CERS6: variants seen among roughly 807,000 people sequenced by gnomAD.
The protein encoded by CERS6 is LAG1 homolog, ceramide synthase 6.
In CERS6, 26 loss-of-function variants were observed where a neutral mutation model predicts 56.8. The observed-to-expected ratio is 0.46, with a 90% CI of 0.34 to 0.63. The LOEUF (loss-of-function observed/expected upper bound fraction) is 0.63, where lower values mean the gene tolerates loss of function less well. Ranked by LOEUF, CERS6 falls within the 30% of genes least tolerant of loss-of-function variation. The probability of loss-of-function intolerance (pLI) is 0.01; values close to 1 mark genes in which losing one functional copy is unlikely to be tolerated. For synonymous variants in CERS6, 164 were observed against 173.3 expected (o/e 0.95, Z 0.42); for missense variants, 415 against 467.5 (o/e 0.89, Z 1.04).
At chr2:168,464,626 A>G (rs1693837955) in intron 1 of CERS6, among the ~76,000 whole-genome samples, 1 of 149,984 alleles carries the variant, frequency 6.7e-6, no homozygotes, top group Non-Finnish European at 1.5e-5. Flanking sequence ...GCAGAGAGAA[A>G]GGGCTGGGAG....
intron 3 of CERS6, among the ~76,000 whole-genome samples, chr2:168,604,680 T>C (rs1469023848): frequency 6.6e-6 from 1 of 151,872 alleles, no homozygotes; most frequent in East Asian, 1.9e-4. Context: ...GAGTATGGAG[T>C]ATGTGGCACC....
At chr2:168,631,550 T>TTAATATTTATATATTAAATATAATATATA (rs1684722845) in intron 4 of CERS6, among the ~76,000 whole-genome samples, 4,600 of 47,964 alleles carry the variant, frequency 0.096, 1,498 homozygotes, top group Admixed American at 0.2. Flanking sequence ...TATATTATAT[T>TTAATATTTATATATTAAATATAATATATA]TTTAATATTT....
At chr2:168,572,829 T>C (rs1696015577) in intron 3 of CERS6, among the ~76,000 whole-genome samples, 2 of 152,278 alleles carry the variant, frequency 1.3e-5, no homozygotes, top group Non-Finnish European at 2.9e-5. Context: ...CTGTGTCTTA[T>C]TTATCTTTTC....
At chr2:168,467,036 TC>T (rs1215245389) in intron 1 of CERS6, among the ~76,000 whole-genome samples, 3 of 152,220 alleles carry the variant, frequency 2.0e-5, no homozygotes, top group Non-Finnish European at 4.4e-5. Flanking sequence ...TTTCCTTTCC[TC>T]GATTCCTCCC....
intron 3 of CERS6, among the ~76,000 whole-genome samples, chr2:168,584,733 C>T (rs1683500382): frequency 1.3e-5 from 2 of 152,180 alleles, no homozygotes; most frequent in African/African-American, 4.8e-5. Flanking sequence ...TCATTGGCAA[C>T]TTGATATGGA....
intron 4 of CERS6, 48 bp downstream of exon 4, chr2:168,631,090 C>A: frequency 2.5e-6 from 2 of 806,176 alleles, no homozygotes; most frequent in Non-Finnish European, 3.6e-6. Context: ...AAGTGTATGT[C>A]TATATCCTGG....
At chr2:168,765,471 C>T (rs1435371564) in intron 8 of CERS6, 121 bp from the exon 9 acceptor site, 3 of 953,118 alleles carry the variant, frequency 3.1e-6, no homozygotes, top group East Asian at 2.7e-5. Context: ...TTCACACCAT[C>T]CTGCCAGAGA....
In CERS6 at chr2:168,734,015, A is replaced by G. The variant is rs186795509; in HGVS notation, c.845+16037A>G. 3.2e-4 allele frequency among the ~76,000 whole-genome samples: 48 copies of G among 152,318 alleles called. No homozygotes were observed. In the East Asian group the frequency reaches 7.5e-3, roughly 24 times the overall value. On this transcript the variant is annotated intron_variant, in intron 8 of 9. Coordinates refer to ENST00000305747, the MANE Select transcript of CERS6 (RefSeq NM_203463.3). Reference sequence around the variant, plus strand: ...TGAAATTGTACATGTTCTCTTCTTCATCCATAAAATGGGAGAATTGGAATA... The same window carrying G: ...TGAAATTGTACATGTTCTCTTCTTCGTCCATAAAATGGGAGAATTGGAATA...
At chr2:168,463,896 A>G (rs1693821444) in intron 1 of CERS6, among the ~76,000 whole-genome samples, 1 of 152,150 alleles carries the variant, frequency 6.6e-6, no homozygotes, top group Non-Finnish European at 1.5e-5. Context: ...GCGCCAGACC[A>G]AGATCCTGTC....
chr2:168,496,634 A>G (rs1420113995), intron 1 of CERS6, among the ~76,000 whole-genome samples: 3 of 152,174 alleles, frequency 2.0e-5, no homozygotes, highest in African/African-American at 7.2e-5. Flanking sequence ...TGGGAGTCCC[A>G]TGAAATTAAT....
chr2:168,734,644 T>C (rs1683659132), intron 8 of CERS6, among the ~76,000 whole-genome samples: 1 of 152,238 alleles, frequency 6.6e-6, no homozygotes. Context: ...ATTGGGAACA[T>C]ACATGGCTTT....
chr2:168,567,738 CAG>C (rs1310929532), intron 3 of CERS6, among the ~76,000 whole-genome samples: 2 of 152,184 alleles, frequency 1.3e-5, no homozygotes, highest in African/African-American at 4.8e-5. Context: ...ATCCATTTCT[CAG>C]AGTTTTGCCA....
chr2:168,624,139 A>T (rs574782021), intron 3 of CERS6, among the ~76,000 whole-genome samples: 26 of 152,172 alleles, frequency 1.7e-4, no homozygotes, highest in Non-Finnish European at 2.9e-4. Context: ...GCTAGTATAC[A>T]TTCATGACAC....
intron 4 of CERS6, among the ~76,000 whole-genome samples, chr2:168,686,733 A>C (rs1287252421): frequency 6.6e-6 from 1 of 152,142 alleles, no homozygotes; most frequent in Non-Finnish European, 1.5e-5. Flanking sequence ...CAGCTGGCCT[A>C]GGTTTGATTT....
At chr2:168,626,855 T>C (rs938956303) in intron 3 of CERS6, among the ~76,000 whole-genome samples, 1 of 152,142 alleles carries the variant, frequency 6.6e-6, no homozygotes, top group African/African-American at 2.4e-5. Context: ...TCGTTTAGGA[T>C]TCAACTTCTG....
intron 8 of CERS6, among the ~76,000 whole-genome samples, chr2:168,747,377 G>A (rs1397348352): frequency 6.6e-6 from 1 of 151,496 alleles, no homozygotes; most frequent in Non-Finnish European, 1.5e-5. Context: ...TGATTTTAAT[G>A]TATGAATAAT....
Position 168,770,424 on chromosome 2 carries a change from G to C in CERS6, c.*762G>C, listed in dbSNP as rs939439929. The C allele has an allele frequency of 1.3e-5, 2 of 152,288 alleles. No homozygotes were observed. Among genetic ancestry groups the C allele is most frequent in the Non-Finnish European group, 2.9e-5 (2 of 68,052 alleles). The allele number at this position is 152,288 out of a possible 1,614,324, so 9.4% of individuals were successfully genotyped here. A position where few individuals can be genotyped will look rare whatever the true frequency, so the allele number is the denominator to read the frequency against. On this transcript the variant is annotated 3_prime_UTR_variant, in exon 10 of 10. Coordinates refer to ENST00000305747, the MANE Select transcript of CERS6 (RefSeq NM_203463.3). Reference sequence around the variant, plus strand: ...TTTGTTTTTCTCTGTGATGAGGTCAGTGCTCTGATTTTGAAGGAGGATATT... The same window carrying C: ...TTTGTTTTTCTCTGTGATGAGGTCACTGCTCTGATTTTGAAGGAGGATATT...
intron 4 of CERS6, among the ~76,000 whole-genome samples, chr2:168,631,489 A>T (rs1684717345): frequency 1.1e-5 from 1 of 91,380 alleles, no homozygotes; most frequent in African/African-American, 4.1e-5. Flanking sequence ...ATAATATATA[A>T]ACTATATATT....
chr2:168,717,348 T>C (rs890342038), intron 7 of CERS6, among the ~76,000 whole-genome samples: 2 of 151,982 alleles, frequency 1.3e-5, no homozygotes, highest in Non-Finnish European at 2.9e-5. Flanking sequence ...CCCAGAGTAC[T>C]CCTTGTGCCT....
Sources: allele counts gnomAD v4.1 joint callset (sites outside exome capture counted in the v4.1 genomes callset), GRCh38; gene constraint gnomAD v4.1.1; transcripts MANE v1.5; gene names NCBI Gene and HGNC (gene_info 2026-07-23, HGNC 2026-07-21).